ZNF654: variants seen among roughly 807,000 people sequenced by gnomAD.
The protein encoded by ZNF654 is zinc finger protein 654.
ZNF654 carries 19 observed loss-of-function variants against 95.3 expected under a neutral mutation model. The ratio of observed to expected loss-of-function variants is 0.20; its 90% CI spans 0.14 to 0.29. The LOEUF (loss-of-function observed/expected upper bound fraction) is 0.29, where lower values mean the gene tolerates loss of function less well. Among genes scored for constraint, ZNF654 ranks in the 10% least tolerant of loss-of-function variants. The pLI is 1.00. For missense variants in ZNF654, 1,046 were observed against 1,341.0 expected (o/e 0.78, Z 3.44); for synonymous variants, 413 against 457.9 (o/e 0.90, Z 1.25).
chr3:88,064,112 T>C (rs1165871610), intron 1 of ZNF654, among the ~76,000 whole-genome samples: 2 of 150,618 alleles, frequency 1.3e-5, no homozygotes, highest in Admixed American at 6.6e-5. Flanking sequence ...GCTTCTTCTT[T>C]TTTTTTTTTT....
chr3:88,100,400 T>G (rs1218013683), intron 2 of ZNF654, among the ~76,000 whole-genome samples: 1 of 152,216 alleles, frequency 6.6e-6, no homozygotes, highest in Non-Finnish European at 1.5e-5. Context: ...TCAACCATTG[T>G]GGAAGTCAGT....
chr3:88,060,282 C>T (rs1576169503), intron 1 of ZNF654, among the ~76,000 whole-genome samples: 1 of 152,068 alleles, frequency 6.6e-6, no homozygotes, highest in South Asian at 2.1e-4. Context: ...AGTGTCTGAA[C>T]GGTGACATTA....
chr3:88,132,011 A>G (rs1342137367), intron 6 of ZNF654, among the ~76,000 whole-genome samples: 1 of 152,124 alleles, frequency 6.6e-6, no homozygotes, highest in Non-Finnish European at 1.5e-5. Flanking sequence ...ACAATCATTA[A>G]TAATAATAAT....
chr3:88,102,904 C>G (rs1198018677), intron 2 of ZNF654, among the ~76,000 whole-genome samples: 1 of 134,368 alleles, frequency 7.4e-6, no homozygotes, highest in Non-Finnish European at 1.5e-5. Flanking sequence ...GGATATATTG[C>G]TGAGGTTTGG....
chr3:88,121,269 CA>C (rs1272408666), intron 3 of ZNF654, among the ~76,000 whole-genome samples: 7 of 152,058 alleles, frequency 4.6e-5, no homozygotes, highest in Non-Finnish European at 1.0e-4. Flanking sequence ...CCACTTTTAA[CA>C]ATGAATTAAA....
At position 88,139,665 on chromosome 3, in the gene ZNF654, A is replaced by T. The variant is rs368256659; in HGVS notation, c.1996A>T (p.Ile666Leu). The T allele has an allele frequency of 1.1e-5, 18 of 1,609,622 alleles. No homozygotes were observed. In the African/African-American group the frequency reaches 1.9e-4, roughly 17 times the overall value. Residue 666 changes from isoleucine to leucine, a missense_variant, in exon 8 of 9, where the codon ATA (isoleucine) becomes TTA (leucine). Ile to Leu is a conservative substitution (Grantham distance 5, BLOSUM62 2). Around this residue, in one of 9 missense-constraint regions of ZNF654, gnomAD observed 495 missense variants for 537.0 expected, o/e 0.92. Coordinates refer to ENST00000636215, the MANE Select transcript of ZNF654 (RefSeq NM_001350134.2). ...EHVAEFIEIP[I>L]SVPEDVIENV... is the part of the protein sequence containing the mutation. ...TGTGGCTGAATTCATTGAAATTCCC[A>T]TAAGTGTACCAGAAGATGTTATTGA...
intron 3 of ZNF654, among the ~76,000 whole-genome samples, chr3:88,124,459 C>T (rs1180496851): frequency 6.6e-6 from 1 of 152,174 alleles, no homozygotes; most frequent in East Asian, 1.9e-4. Context: ...TCTTCTACTA[C>T]TTTCTTCTCT....
intron 1 of ZNF654, among the ~76,000 whole-genome samples, chr3:88,071,041 G>A (rs754778136): frequency 1.3e-5 from 2 of 152,040 alleles, no homozygotes; most frequent in African/African-American, 4.8e-5. Context: ...CTCATTCATC[G>A]GTTCTCAATT....
chr3:88,070,581 T>A (rs1396491894), intron 1 of ZNF654, among the ~76,000 whole-genome samples: 1 of 61,052 alleles, frequency 1.6e-5, no homozygotes, highest in Non-Finnish European at 4.6e-5. Context: ...TTTTTTTTTT[T>A]TTTTTTTTGC....
intron 4 of ZNF654, among the ~76,000 whole-genome samples, chr3:88,128,248 A>G (rs1706237121): frequency 1.3e-5 from 2 of 152,154 alleles, no homozygotes; most frequent in South Asian, 4.1e-4. Flanking sequence ...CCTTAGTAAT[A>G]CATAAATGTA....
At position 88,142,511 on chromosome 3, in the gene ZNF654, T is replaced by C. The variant is rs567751585; in HGVS notation, c.*859T>C. 1.3e-5 allele frequency: 2 copies of C among 152,514 alleles called. No homozygotes were observed. Among genetic ancestry groups the C allele is most frequent in the South Asian group, 4.1e-4 (2 of 4,830 alleles). The allele number at this position is 152,514 out of a possible 1,614,324, so 9.4% of individuals were successfully genotyped here. A position where few individuals can be genotyped will look rare whatever the true frequency, so the allele number is the denominator to read the frequency against. ...ATTGCAAATTATTCAATGTGAATAA[T>C]GGTAAAAGCACACTGGGATACTTCT... is the stretch of plus-strand genomic sequence containing the variant. On this transcript the variant is annotated 3_prime_UTR_variant, in exon 9 of 9. Transcript: ENST00000636215.
At chr3:88,116,234 A>C (rs1306644938) in intron 3 of ZNF654, among the ~76,000 whole-genome samples, 1 of 152,032 alleles carries the variant, frequency 6.6e-6, no homozygotes, top group Non-Finnish European at 1.5e-5. Context: ...AAAATAAGAT[A>C]TATGGGCCAG....
intron 3 of ZNF654, among the ~76,000 whole-genome samples, chr3:88,124,768 C>G (rs1332600674): frequency 1.3e-5 from 1 of 79,036 alleles, no homozygotes; most frequent in Non-Finnish European, 3.1e-5. Context: ...ATGTACAATA[C>G]TCAGTTTTTT....
At chr3:88,071,663 G>C (rs961935308) in intron 1 of ZNF654, among the ~76,000 whole-genome samples, 1 of 150,008 alleles carries the variant, frequency 6.7e-6, no homozygotes, top group African/African-American at 2.5e-5. Flanking sequence ...AATTAGCCGG[G>C]CGTGGTGGCG....
At chr3:88,091,622 G>T (rs1439131776) in intron 2 of ZNF654, among the ~76,000 whole-genome samples, 1 of 152,110 alleles carries the variant, frequency 6.6e-6, no homozygotes, top group African/African-American at 2.4e-5. Flanking sequence ...ATCTCATCTT[G>T]AATTGTAGCT....
At chr3:88,093,547 T>C (rs1350126026) in intron 2 of ZNF654, among the ~76,000 whole-genome samples, 1 of 152,182 alleles carries the variant, frequency 6.6e-6, no homozygotes, top group Admixed American at 6.5e-5. Context: ...TGGCAAGCTG[T>C]CTAAGAGAAA....
At chr3:88,090,562 T>C (rs572761409) in intron 2 of ZNF654, among the ~76,000 whole-genome samples, 2 of 150,600 alleles carry the variant, frequency 1.3e-5, no homozygotes, top group South Asian at 4.1e-4. Flanking sequence ...TAATTTATTA[T>C]TAAAGAAAAA....
At chr3:88,100,009 A>G (rs1293691304) in intron 2 of ZNF654, among the ~76,000 whole-genome samples, 1 of 152,250 alleles carries the variant, frequency 6.6e-6, no homozygotes, top group African/African-American at 2.4e-5. Context: ...CTGCACAGCA[A>G]AAGAAACTAC....
chr3:88,104,105 T>C (rs1704597903), intron 2 of ZNF654, among the ~76,000 whole-genome samples: 1 of 152,082 alleles, frequency 6.6e-6, no homozygotes, highest in Non-Finnish European at 1.5e-5. Flanking sequence ...GAGAGAGATG[T>C]ATGTAATCAA....
Sources: gnomAD v4.1 joint callset for allele counts (sites outside exome capture counted in the v4.1 genomes callset) on GRCh38, gnomAD v4.1.1 for gene constraint, gnomAD v4.1.1 regional missense constraint, MANE v1.5 for transcripts, NCBI Gene and HGNC (gene_info 2026-07-23, HGNC 2026-07-21) for gene names.